DMD: variants seen among roughly 807,000 people sequenced by gnomAD.
DMD encodes dystrophin.
In DMD, 63 loss-of-function variants were observed where a neutral mutation model predicts 330.1. The observed-to-expected ratio is 0.19, with a 90% confidence interval of 0.16 to 0.24. The LOEUF (loss-of-function observed/expected upper bound fraction) is 0.24. DMD is among the 10% of genes least tolerant of loss of function. The pLI, the probability that DMD is intolerant of heterozygous loss-of-function variation, is 1.00. For missense variants in DMD, 3,344 were observed against 2,684.1 expected, an observed-to-expected ratio of 1.25 and a Z score of -5.43; for synonymous variants, 1,223 against 959.8, an observed-to-expected ratio of 1.27 and a Z score of -5.07.
At chrX:31,482,394 G>T (rs1213044865) in intron 57 of DMD, among the ~76,000 whole-genome samples, 1 of 111,457 alleles carries the variant, frequency 9.0e-6, no homozygotes, top group Non-Finnish European at 1.9e-5. Flanking sequence ...TATACGTTGA[G>T]TGCCTACATA....
intron 2 of DMD, among the ~76,000 whole-genome samples, chrX:32,897,372 G>A (rs2085819371): frequency 9.0e-6 from 1 of 111,610 alleles, no homozygotes; most frequent in Non-Finnish European, 1.9e-5. Flanking sequence ...GAATGAAGAG[G>A]TGAAGGGAAA....
At chrX:32,770,553 T>C (rs1426181516) in intron 7 of DMD, among the ~76,000 whole-genome samples, 1 of 111,603 alleles carries the variant, frequency 9.0e-6, no homozygotes, top group African/African-American at 3.3e-5. Flanking sequence ...GGCGCTAATT[T>C]TGAAAGCAAT....
intron 63 of DMD, among the ~76,000 whole-genome samples, chrX:31,252,201 T>C (rs529613937): frequency 1.8e-5 from 2 of 112,571 alleles, no homozygotes; most frequent in East Asian, 5.5e-4. Flanking sequence ...TTTTTTCTTT[T>C]ATAAGCTGAA....
intron 9 of DMD, among the ~76,000 whole-genome samples, chrX:32,661,513 C>CT (rs1389773907): frequency 9.0e-6 from 1 of 111,332 alleles, no homozygotes; most frequent in African/African-American, 3.3e-5. Context: ...TGTTGCCAGA[C>CT]TTTTTTGTAA....
chrX:31,169,708 C>A, intron 73 of DMD, 107 bp from the exon 74 acceptor site: 1 of 772,038 alleles, frequency 1.3e-6, no homozygotes, highest in African/African-American at 2.1e-5. Context: ...TTGCTCTTAA[C>A]AATTAATTAG....
chrX:32,289,585 G>C (rs933615034), intron 42 of DMD, among the ~76,000 whole-genome samples: 4 of 111,153 alleles, frequency 3.6e-5, no homozygotes, highest in Admixed American at 9.6e-5. Context: ...GATAAAGCAG[G>C]TTGCTGTAAA....
At chrX:32,585,457 T>G (rs767953634) in intron 13 of DMD, among the ~76,000 whole-genome samples, 197 of 109,903 alleles carry the variant, frequency 1.8e-3, no homozygotes, top group Admixed American at 4.5e-3. Context: ...ATCCCAGCAC[T>G]TTGGGAGGCC....
At chrX:33,172,443 G>A (rs1164835256) in intron 1 of DMD, among the ~76,000 whole-genome samples, 1 of 111,712 alleles carries the variant, frequency 9.0e-6, no homozygotes, top group Non-Finnish European at 1.9e-5. Flanking sequence ...TTGGAATGAA[G>A]TTAAGTGACC....
intron 2 of DMD, among the ~76,000 whole-genome samples, chrX:32,952,027 G>C (rs930796457): frequency 1.8e-5 from 2 of 111,376 alleles, no homozygotes; most frequent in Non-Finnish European, 3.8e-5. Flanking sequence ...CTTTATTGTT[G>C]ATGGGGTGTT....
At chrX:32,888,724 C>G (rs1214954135) in intron 2 of DMD, among the ~76,000 whole-genome samples, 1 of 111,887 alleles carries the variant, frequency 8.9e-6, no homozygotes, top group African/African-American at 3.3e-5. Context: ...TTTATTGTGG[C>G]AGTATTCACA....
At chrX:33,187,669 C>CA (rs1055892638) in intron 1 of DMD, among the ~76,000 whole-genome samples, 2 of 111,702 alleles carry the variant, frequency 1.8e-5, no homozygotes, top group African/African-American at 6.5e-5. Flanking sequence ...AAATAAAGGA[C>CA]CAGTAACGAA....
chrX:31,242,700 A>ATGTGTGTGTGTGTGTGTGTG (rs3138883), intron 63 of DMD, among the ~76,000 whole-genome samples: 2 of 95,104 alleles, frequency 2.1e-5, no homozygotes, highest in African/African-American at 3.9e-5. Flanking sequence ...ACAATAAGAT[A>ATGTGTGTGTGTGTGTGTGTG]TGTGTGTGTG....
intron 60 of DMD, among the ~76,000 whole-genome samples, chrX:31,350,249 T>A (rs1015632202): frequency 7.2e-5 from 8 of 111,321 alleles, no homozygotes; most frequent in African/African-American, 2.6e-4. Flanking sequence ...GCTCCTTCTC[T>A]CGGCAATGCT....
At chrX:31,757,010 C>G (rs746429749) in intron 51 of DMD, among the ~76,000 whole-genome samples, 5 of 107,751 alleles carry the variant, frequency 4.6e-5, no homozygotes, top group African/African-American at 1.7e-4. Context: ...TACCTTATAT[C>G]AAGAAATAAT....
chrX:31,581,261 C>A (rs764243311), intron 55 of DMD, among the ~76,000 whole-genome samples: 2 of 111,628 alleles, frequency 1.8e-5, no homozygotes, highest in Non-Finnish European at 3.8e-5. Context: ...TGCCTGTCTG[C>A]GAATTTTCCT....
chrX:31,371,470 A>G (rs1457151763), intron 60 of DMD, among the ~76,000 whole-genome samples: 2 of 112,017 alleles, frequency 1.8e-5, no homozygotes, highest in Non-Finnish European at 3.8e-5. Context: ...TTTTTTATTA[A>G]AAAACAACAA....
intron 44 of DMD, among the ~76,000 whole-genome samples, chrX:32,035,213 G>T (rs761073388): frequency 9.0e-6 from 1 of 111,397 alleles, no homozygotes; most frequent in Non-Finnish European, 1.9e-5. Flanking sequence ...GACGACAAAA[G>T]CATCATTTTA....
chrX:32,991,655 A>G (rs183201761), intron 2 of DMD, among the ~76,000 whole-genome samples: 2 of 112,132 alleles, frequency 1.8e-5, no homozygotes, highest in African/African-American at 3.2e-5. Context: ...TTATTGGTAC[A>G]TATGTCATAT....
At position 32,610,209 on chromosome X, in the gene DMD, G is replaced by A. The variant is rs954892764; in HGVS notation, c.1482+4094C>T. On this transcript the variant is annotated intron_variant, in intron 12 of 78. Transcript: ENST00000357033. ...GTTCGATTTGTTTACTCCCCAGAAA[G>A]ACTCACTCTTGGGTGCCTCAAAGCT... Among the ~76,000 whole-genome samples, 5 of 110,971 alleles carry A rather than the reference G, an allele frequency of 4.5e-5. No individual in the cohort carries two copies. The Admixed American group carries it at 4.8e-4, about 11-fold the overall frequency.
Sources: gnomAD v4.1 joint callset for allele counts (sites outside exome capture counted in the v4.1 genomes callset) on GRCh38, gnomAD v4.1.1 for gene constraint, MANE v1.5 for transcripts, NCBI Gene and HGNC (gene_info 2026-07-23, HGNC 2026-07-21) for gene names.